PRELID2: variants seen among roughly 807,000 people sequenced by gnomAD.
PRELID2 encodes the protein PRELI domain containing 2, also known as PRELI domain-containing protein 2.
A neutral mutation model predicts 28.4 loss-of-function variants in PRELID2; 25 were observed. The ratio of observed to expected loss-of-function variants is 0.88; its 90% CI spans 0.64 to 1.23. The LOEUF is 1.23. PRELID2 is among the 50% of genes most tolerant of loss of function. PRELID2 has a pLI of 0.00. For synonymous variants in PRELID2, 76 were observed against 71.6 expected, an observed-to-expected ratio of 1.06 and a Z score of -0.31; for missense variants, 201 against 214.4, an observed-to-expected ratio of 0.94 and a Z score of 0.39.
At chr5:145,280,113 A>G in the PRELID2 span, among the ~76,000 whole-genome samples, 75 of 152,282 alleles carry the variant, frequency 4.9e-4, no homozygotes, top group Non-Finnish European at 9.6e-4. Flanking sequence ...GCAATTGGCT[A>G]TCTTATTTTG....
intron 1 of PRELID2, among the ~76,000 whole-genome samples, chr5:145,611,960 C>G (rs934973021): frequency 6.6e-6 from 1 of 152,114 alleles, no homozygotes; most frequent in Non-Finnish European, 1.5e-5. Context: ...ACAAATAGAC[C>G]AATGGAACAA....
At chr5:145,555,830 T>A (rs1272983824) in intron 1 of PRELID2, among the ~76,000 whole-genome samples, 1 of 152,106 alleles carries the variant, frequency 6.6e-6, no homozygotes, top group Admixed American at 6.5e-5. Context: ...TCCTGATAAC[T>A]TTCTAGTTTC....
At chr5:145,639,534 T>C (rs1416218894) in intron 1 of PRELID2, among the ~76,000 whole-genome samples, 1 of 152,208 alleles carries the variant, frequency 6.6e-6, no homozygotes, top group South Asian at 2.1e-4. Context: ...TTGGGGCTCA[T>C]AGGATTATAC....
At chr5:145,673,973 CAA>C (rs1219168776) in intron 1 of PRELID2, among the ~76,000 whole-genome samples, 1 of 152,138 alleles carries the variant, frequency 6.6e-6, no homozygotes, top group South Asian at 2.1e-4. Flanking sequence ...GCAGTGCACA[CAA>C]AGTTAACTTT....
At chr5:145,571,701 G>A (rs1314303401) in intron 1 of PRELID2, among the ~76,000 whole-genome samples, 3 of 151,664 alleles carry the variant, frequency 2.0e-5, no homozygotes, top group Non-Finnish European at 4.4e-5. Context: ...TATTTTTTTG[G>A]CCAGGTGCGG....
intron 1 of PRELID2, among the ~76,000 whole-genome samples, chr5:145,649,471 GTTTAACAGGTGAGATGT>G (rs1754250630): frequency 6.6e-6 from 1 of 152,150 alleles, no homozygotes; most frequent in Non-Finnish European, 1.5e-5. Context: ...AAGTTATGAT[GTTTAACAGGTGAGATGT>G]ATTAAACCCA....
At chr5:145,405,528 C>G in the PRELID2 span, among the ~76,000 whole-genome samples, 3 of 151,998 alleles carry the variant, frequency 2.0e-5, no homozygotes, top group Admixed American at 1.3e-4. Context: ...ACATAATGAC[C>G]TCCAGTTCCC....
At chr5:145,282,372 A>G in the PRELID2 span, among the ~76,000 whole-genome samples, 2 of 152,196 alleles carry the variant, frequency 1.3e-5, no homozygotes, top group Non-Finnish European at 2.9e-5. Flanking sequence ...TCTTGATACA[A>G]TAATCTCCTG....
At chr5:145,598,278 C>A (rs1359278545) in intron 1 of PRELID2, among the ~76,000 whole-genome samples, 1 of 151,996 alleles carries the variant, frequency 6.6e-6, no homozygotes, top group African/African-American at 2.4e-5. Context: ...AGTTGGAGAA[C>A]AAAGTCAAAA....
At chr5:145,349,594 T>C in the PRELID2 span, among the ~76,000 whole-genome samples, 11 of 152,122 alleles carry the variant, frequency 7.2e-5, no homozygotes, top group Admixed American at 4.6e-4. Context: ...ACATATTATC[T>C]TCCCACTCCA....
the PRELID2 span, among the ~76,000 whole-genome samples, chr5:145,423,472 T>G: frequency 6.6e-6 from 1 of 152,084 alleles, no homozygotes; most frequent in Non-Finnish European, 1.5e-5. Flanking sequence ...CCTTCTCACT[T>G]CATTTCATTC....
intron 1 of PRELID2, among the ~76,000 whole-genome samples, chr5:145,708,845 C>T (rs1012522025): frequency 3.9e-5 from 6 of 152,224 alleles, no homozygotes; most frequent in Non-Finnish European, 8.8e-5. Flanking sequence ...AGAGATCCAT[C>T]CAGAAAAACA....
At chr5:145,258,795 T>G in the PRELID2 span, among the ~76,000 whole-genome samples, 1 of 152,130 alleles carries the variant, frequency 6.6e-6, no homozygotes, top group Non-Finnish European at 1.5e-5. Context: ...CTGTAGAAAT[T>G]TGCATAAGTA....
chr5:145,378,963 CT>C, the PRELID2 span, among the ~76,000 whole-genome samples: 1 of 151,456 alleles, frequency 6.6e-6, no homozygotes, highest in Non-Finnish European at 1.5e-5. Context: ...GATTATTTTT[CT>C]TTTTTTTCTA....
At chr5:145,325,773 G>A in the PRELID2 span, among the ~76,000 whole-genome samples, 286 of 152,040 alleles carry the variant, frequency 1.9e-3, 3 homozygotes, top group South Asian at 1.5e-3. Context: ...GGTTTTTCTT[G>A]TCTTTTTTCT....
intron 5 of PRELID2, among the ~76,000 whole-genome samples, chr5:145,773,233 C>T (rs777469379): frequency 2.0e-5 from 3 of 152,130 alleles, no homozygotes; most frequent in Non-Finnish European, 4.4e-5. Context: ...CAAAAATGGT[C>T]CATCTGATTT....
chr5:145,411,860 G>GTCT, the PRELID2 span, among the ~76,000 whole-genome samples: 4 of 152,194 alleles, frequency 2.6e-5, no homozygotes, highest in African/African-American at 9.6e-5. Flanking sequence ...CTCAGTTCTT[G>GTCT]TCTTCTGCAC....
intron 5 of PRELID2, among the ~76,000 whole-genome samples, chr5:145,786,247 G>A (rs1751986087): frequency 6.6e-6 from 1 of 152,176 alleles, no homozygotes; most frequent in African/African-American, 2.4e-5. Context: ...AGCTTCTGAT[G>A]TGGCTCCTAG....
At chr5:145,744,845 T>C (rs555778460) in intron 1 of PRELID2, among the ~76,000 whole-genome samples, 2 of 152,062 alleles carry the variant, frequency 1.3e-5, no homozygotes, top group South Asian at 2.1e-4. Flanking sequence ...GGGTGCATAA[T>C]TGGACAGGGG....
Sources: gnomAD v4.1 joint callset for allele counts (sites outside exome capture counted in the v4.1 genomes callset) on GRCh38, gnomAD v4.1.1 for gene constraint, MANE v1.5 for transcripts, NCBI Gene and HGNC (gene_info 2026-07-23, HGNC 2026-07-21) for gene names.